ZFHX3: variants seen among roughly 807,000 people sequenced by gnomAD.
ZFHX3 encodes zinc finger homeobox protein 3.
Under a neutral mutation model 279.1 loss-of-function variants are expected in ZFHX3, and 42 were observed. The observed-to-expected ratio is 0.15, with a 90% confidence interval of 0.12 to 0.19. ZFHX3 has a LOEUF of 0.19. Among genes scored for constraint, ZFHX3 ranks in the 10% least tolerant of loss-of-function variants. The pLI is 1.00. For synonymous variants in ZFHX3, 2,293 were observed against 1,957.8 expected (o/e 1.17, Z -4.52); for missense variants, 4,981 against 4,754.0 (o/e 1.05, Z -1.40).
intron 1 of ZFHX3, among the ~76,000 whole-genome samples, chr16:73,737,674 G>A (rs1398129474): frequency 6.6e-6 from 1 of 151,272 alleles, no homozygotes; most frequent in African/African-American, 2.4e-5. Context: ...ATTTACTTCG[G>A]GAAAAAGGAA....
chr16:73,070,875 T>G (rs973543818), intron 8 of ZFHX3, among the ~76,000 whole-genome samples: 27 of 151,048 alleles, frequency 1.8e-4, no homozygotes, highest in Non-Finnish European at 3.5e-4. Context: ...CACTTTCCTT[T>G]GTTTTCTTTT....
intron 3 of ZFHX3, among the ~76,000 whole-genome samples, chr16:72,923,425 A>G (rs1393643349): frequency 6.6e-6 from 1 of 150,784 alleles, no homozygotes; most frequent in Non-Finnish European, 1.5e-5. Flanking sequence ...AGCCTGGGCG[A>G]CAGAGTGAGA....
intron 8 of ZFHX3, 152 bp downstream of exon 8, chr16:72,799,875 G>A (rs769379016): frequency 1.2e-4 from 84 of 674,912 alleles, no homozygotes; most frequent in Non-Finnish European, 2.1e-4. Context: ...AAGAAGCAGA[G>A]TATAAAGTAG....
intron 2 of ZFHX3, among the ~76,000 whole-genome samples, chr16:73,651,297 C>T (rs914421797): frequency 2.0e-5 from 3 of 150,430 alleles, no homozygotes; most frequent in Non-Finnish European, 4.4e-5. Context: ...GTAAGAAGGC[C>T]TAATCTATTT....
intron 2 of ZFHX3, among the ~76,000 whole-genome samples, chr16:73,465,123 G>A (rs935232829): frequency 6.6e-6 from 1 of 152,194 alleles, no homozygotes; most frequent in Non-Finnish European, 1.5e-5. Context: ...AAATGGTCTC[G>A]GTACTTGAGA....
At chr16:72,876,316 T>A (rs2038311213) in intron 4 of ZFHX3, among the ~76,000 whole-genome samples, 3 of 152,186 alleles carry the variant, frequency 2.0e-5, no homozygotes, top group Admixed American at 1.3e-4. Context: ...AGAAACATGA[T>A]GGAATAAGCC....
At chr16:73,746,791 C>G (rs62043697) in intron 1 of ZFHX3, among the ~76,000 whole-genome samples, 7,245 of 152,166 alleles carry the variant, frequency 0.048, 217 homozygotes, top group South Asian at 0.087. Context: ...TATATGAAAA[C>G]AAAACAGACC....
At chr16:73,540,332 A>G (rs1223935603) in intron 2 of ZFHX3, among the ~76,000 whole-genome samples, 2 of 152,216 alleles carry the variant, frequency 1.3e-5, no homozygotes, top group Non-Finnish European at 2.9e-5. Flanking sequence ...CCAAATAGTT[A>G]AAGTCACTTT....
chr16:73,820,535 T>G (rs1960708624), intron 1 of ZFHX3, among the ~76,000 whole-genome samples: 1 of 152,096 alleles, frequency 6.6e-6, no homozygotes, highest in African/African-American at 2.4e-5. Context: ...ACATTGAGTT[T>G]GCAGCCAGCC....
chr16:73,790,014 A>T (rs893804939), intron 1 of ZFHX3, among the ~76,000 whole-genome samples: 2 of 152,144 alleles, frequency 1.3e-5, no homozygotes, highest in African/African-American at 4.8e-5. Flanking sequence ...TTCCATTATA[A>T]ACCCCTATTT....
chr16:73,633,885 A>T (rs1010694098), intron 2 of ZFHX3, among the ~76,000 whole-genome samples: 1 of 151,758 alleles, frequency 6.6e-6, no homozygotes. Context: ...GCGACAGAGC[A>T]AGACTCCATC....
chr16:72,899,528 C>T (rs1362350339), intron 3 of ZFHX3, among the ~76,000 whole-genome samples: 2 of 152,138 alleles, frequency 1.3e-5, no homozygotes, highest in Admixed American at 1.3e-4. Context: ...TTATTAATAG[C>T]GTGAGAACGA....
chr16:73,021,045 A>G lies in ZFHX3; in HGVS notation c.-50+26707T>C, dbSNP rs1299969423. Among the ~76,000 whole-genome samples the G allele has an allele frequency of 4.6e-5, 7 of 152,238 alleles. No individual in the cohort carries two copies. In the East Asian group the frequency reaches 7.7e-4, roughly 17 times the overall value. ...AAGGGTATAGGCCCAAGGACTTTGAAAAATGAAGCTCCTTAAATTATTTTC... is the reference window on the plus strand; with the variant it reads ...AAGGGTATAGGCCCAAGGACTTTGAGAAATGAAGCTCCTTAAATTATTTTC... On this transcript the variant is annotated intron_variant, in intron 1 of 9. Coordinates refer to ENST00000268489, the MANE Select transcript of ZFHX3 (RefSeq NM_006885.4).
intron 3 of ZFHX3, among the ~76,000 whole-genome samples, chr16:73,405,726 G>C (rs559214180): frequency 4.1e-4 from 62 of 152,132 alleles, no homozygotes; most frequent in African/African-American, 1.4e-3. Flanking sequence ...CCATAAAAAA[G>C]ACATTAAATA....
At chr16:73,200,367 A>G (rs918215574) in intron 5 of ZFHX3, among the ~76,000 whole-genome samples, 2 of 152,158 alleles carry the variant, frequency 1.3e-5, no homozygotes, top group African/African-American at 4.8e-5. Flanking sequence ...ATGAATTTTT[A>G]TTTTATATAT....
chr16:73,745,974 A>C (rs889509836), intron 1 of ZFHX3, among the ~76,000 whole-genome samples: 3 of 152,142 alleles, frequency 2.0e-5, no homozygotes, highest in Non-Finnish European at 4.4e-5. Flanking sequence ...ATACTTTCTG[A>C]ATGAATGTTA....
At chr16:73,639,041 T>C (rs2052551561) in intron 2 of ZFHX3, among the ~76,000 whole-genome samples, 1 of 152,158 alleles carries the variant, frequency 6.6e-6, no homozygotes, top group Non-Finnish European at 1.5e-5. Flanking sequence ...ATAGATGAGC[T>C]AGTGGTCTGT....
At chr16:72,823,609 C>T (rs2036855949) in intron 5 of ZFHX3, among the ~76,000 whole-genome samples, 1 of 152,194 alleles carries the variant, frequency 6.6e-6, no homozygotes, top group Admixed American at 6.5e-5. Context: ...GCCTTTTATC[C>T]AGGGTATATT....
chr16:72,982,796 A>G (rs1047194407), intron 1 of ZFHX3, among the ~76,000 whole-genome samples: 3 of 152,206 alleles, frequency 2.0e-5, no homozygotes, highest in African/African-American at 7.2e-5. Context: ...TCCTCCTCTT[A>G]GACCCTAGAC....
Sources: gnomAD v4.1 joint callset for allele counts (sites outside exome capture counted in the v4.1 genomes callset) on GRCh38, gnomAD v4.1.1 for gene constraint, MANE v1.5 for transcripts, NCBI Gene and HGNC (gene_info 2026-07-23, HGNC 2026-07-21) for gene names.